PTPRD: variants seen among roughly 807,000 people sequenced by gnomAD.
PTPRD encodes the protein receptor-type tyrosine-protein phosphatase delta.
PTPRD carries 34 observed loss-of-function variants against 214.5 expected under a neutral mutation model. The observed-to-expected ratio is 0.16, with a 90% CI of 0.12 to 0.21. The LOEUF (loss-of-function observed/expected upper bound fraction) is 0.21, where lower values mean the gene tolerates loss of function less well. Ranked by LOEUF, PTPRD falls within the 10% of genes least tolerant of loss-of-function variation. PTPRD has a pLI of 1.00. For missense variants in PTPRD, 2,545 were observed against 2,398.7 expected (o/e 1.06, Z -1.27); for synonymous variants, 1,128 against 845.7 (o/e 1.33, Z -5.79).
chr9:9,571,936 A>T (rs2086573672), intron 8 of PTPRD, among the ~76,000 whole-genome samples: 1 of 151,272 alleles, frequency 6.6e-6, no homozygotes, highest in Non-Finnish European at 1.5e-5. Context: ...GGAGTCCATT[A>T]ACTGTAAAAG....
chr9:8,389,508 C>T (rs1271781249), intron 36 of PTPRD, 101 bp from the exon 37 acceptor site: 3 of 838,110 alleles, frequency 3.6e-6, no homozygotes, highest in East Asian at 5.5e-5. Context: ...TTCCACCTCA[C>T]ACTAGAGAAG....
intron 7 of PTPRD, among the ~76,000 whole-genome samples, chr9:9,666,747 G>C (rs778991742): frequency 9.9e-5 from 15 of 151,968 alleles, no homozygotes; most frequent in African/African-American, 3.1e-4. Context: ...CCTTCAATGA[G>C]TTCCACACAT....
rs746508724 is a variant in PTPRD at position 8,524,755 on chromosome 9, A to G, written c.679+170T>C. 1.1e-5 allele frequency: 8 copies of G among 754,720 alleles called. 1 individual carries two copies. In the South Asian group the frequency reaches 1.1e-4, roughly 10 times the overall value. The allele number at this position is 754,720 out of a possible 1,614,324, so 46.8% of individuals were successfully genotyped here. A position where few individuals can be genotyped will look rare whatever the true frequency, so the allele number is the denominator to read the frequency against. On this transcript the variant is annotated intron_variant, in intron 18 of 45. Transcript: ENST00000381196. ...TACTCAAGAGTTGTCTTTTGGAGTT[A>G]AACAACACATTTTAAATTTTTAACT...
intron 39 of PTPRD, among the ~76,000 whole-genome samples, chr9:8,358,631 T>C (rs1003164814): frequency 6.6e-6 from 1 of 152,204 alleles, no homozygotes; most frequent in Non-Finnish European, 1.5e-5. Flanking sequence ...TCTTGATCAA[T>C]GTTAATTTCA....
intron 9 of PTPRD, among the ~76,000 whole-genome samples, chr9:9,377,411 C>T (rs1447767917): frequency 1.3e-5 from 2 of 151,996 alleles, no homozygotes; most frequent in African/African-American, 4.8e-5. Context: ...TAATATTTGT[C>T]AGCAAGTGAG....
At chr9:9,379,791 TA>T (rs2061693158) in intron 9 of PTPRD, among the ~76,000 whole-genome samples, 4 of 152,096 alleles carry the variant, frequency 2.6e-5, no homozygotes. Context: ...TGAAGTGTGC[TA>T]ATGTAAGTGT....
At chr9:10,144,838 T>C (rs899386414) in intron 3 of PTPRD, among the ~76,000 whole-genome samples, 17 of 152,130 alleles carry the variant, frequency 1.1e-4, no homozygotes, top group Non-Finnish European at 2.1e-4. Flanking sequence ...ATTTGGCATG[T>C]GGTTTATACA....
chr9:9,445,153 G>T (rs889977239), intron 8 of PTPRD, among the ~76,000 whole-genome samples: 4 of 152,150 alleles, frequency 2.6e-5, no homozygotes, highest in Admixed American at 1.3e-4. Flanking sequence ...TTTTAAACTA[G>T]AGATTATTCT....
intron 5 of PTPRD, among the ~76,000 whole-genome samples, chr9:9,838,941 G>C (rs370598109): frequency 0.026 from 3,907 of 152,054 alleles, 62 homozygotes; most frequent in Middle Eastern, 0.058. Context: ...ATTAATTTTT[G>C]TATAAGGTGT....
At chr9:9,707,740 T>C (rs2097651551) in intron 7 of PTPRD, among the ~76,000 whole-genome samples, 1 of 152,018 alleles carries the variant, frequency 6.6e-6, no homozygotes, top group African/African-American at 2.4e-5. Context: ...ATCATGTACG[T>C]TTATCTTATT....
At chr9:9,494,085 G>A (rs1437059969) in intron 8 of PTPRD, among the ~76,000 whole-genome samples, 2 of 152,108 alleles carry the variant, frequency 1.3e-5, no homozygotes, top group African/African-American at 4.8e-5. Flanking sequence ...AATAGCAAGA[G>A]AAATAGAACT....
At chr9:8,423,653 C>T (rs770902177) in intron 35 of PTPRD, among the ~76,000 whole-genome samples, 1 of 152,092 alleles carries the variant, frequency 6.6e-6, no homozygotes, top group Non-Finnish European at 1.5e-5. Context: ...GTGAGAAGGG[C>T]ACCTTGCCAG....
chr9:8,594,623 C>G (rs147721653), intron 14 of PTPRD, among the ~76,000 whole-genome samples: 56 of 152,070 alleles, frequency 3.7e-4, no homozygotes, highest in African/African-American at 1.3e-3. Context: ...ATAGTGAGTC[C>G]TCACAAGATC....
intron 10 of PTPRD, among the ~76,000 whole-genome samples, chr9:9,081,350 G>C (rs1182330025): frequency 6.6e-6 from 1 of 152,140 alleles, no homozygotes; most frequent in Admixed American, 6.6e-5. Context: ...TTGCACTGTG[G>C]TCTGAGAGAC....
At chr9:8,555,322 C>T (rs1428647697) in intron 14 of PTPRD, among the ~76,000 whole-genome samples, 1 of 152,052 alleles carries the variant, frequency 6.6e-6, no homozygotes, top group Non-Finnish European at 1.5e-5. Context: ...TGGGAGGATC[C>T]TGCGAGCACA....
intron 9 of PTPRD, among the ~76,000 whole-genome samples, chr9:9,225,169 G>C (rs1211536261): frequency 1.3e-5 from 2 of 152,090 alleles, no homozygotes; most frequent in Admixed American, 1.3e-4. Context: ...AGCAGAAGGG[G>C]AAGGCTGAAC....
At chr9:10,207,167 A>C (rs1206381909) in intron 3 of PTPRD, among the ~76,000 whole-genome samples, 63 of 152,116 alleles carry the variant, frequency 4.1e-4, no homozygotes, top group Admixed American at 4.1e-3. Flanking sequence ...GACAAAGACC[A>C]CTTCTTTTCC....
intron 8 of PTPRD, among the ~76,000 whole-genome samples, chr9:9,478,331 C>G (rs1053507967): frequency 2.0e-5 from 3 of 152,228 alleles, no homozygotes; most frequent in South Asian, 2.1e-4. Context: ...TTCTGAAATG[C>G]CTTTAAGGTC....
intron 3 of PTPRD, among the ~76,000 whole-genome samples, chr9:10,147,459 C>T (rs2099031103): frequency 6.6e-6 from 1 of 152,096 alleles, no homozygotes; most frequent in African/African-American, 2.4e-5. Context: ...ATTCTAAAAG[C>T]CTGAGTTACG....
Sources: gnomAD v4.1 joint callset for allele counts (sites outside exome capture counted in the v4.1 genomes callset) on GRCh38, gnomAD v4.1.1 for gene constraint, MANE v1.5 for transcripts, NCBI Gene and HGNC (gene_info 2026-07-23, HGNC 2026-07-21) for gene names.